Variants in DNAH11 observed in about 807,000 individuals in gnomAD.
DNAH11 encodes the protein dynein axonemal heavy chain 11.
In DNAH11, 442 loss-of-function variants were observed where a neutral mutation model predicts 526.0. The ratio of observed to expected loss-of-function variants is 0.84; its 90% CI spans 0.78 to 0.91. The LOEUF (loss-of-function observed/expected upper bound fraction) is 0.91. DNAH11 is among the 40% of genes least tolerant of loss of function. The probability of loss-of-function intolerance (pLI) is 0.00; values close to 1 mark genes in which losing one functional copy is unlikely to be tolerated. For synonymous variants in DNAH11, 2,461 were observed against 1,935.9 expected (o/e 1.27, Z -7.12); for missense variants, 6,989 against 5,448.7 (o/e 1.28, Z -8.90).
chr7:21,855,168 A>G (rs1244702357), intron 68 of DNAH11, among the ~76,000 whole-genome samples: 1 of 151,316 alleles, frequency 6.6e-6, no homozygotes, highest in East Asian at 2.0e-4. Flanking sequence ...AGTAGCTGGG[A>G]CTACAGGTGT....
At position 21,681,547 on chromosome 7, in the gene DNAH11, T is replaced by A. The variant is rs1190533579; in HGVS notation, c.5330T>A (p.Ile1777Asn). ...TTTTTAAAAAATGATTCCTTCTAGA[T>A]TTCTCAGCTGAATACACTGATTACA... is the stretch of plus-strand genomic sequence containing the variant. ...TALKDFHKKQ[I>N]SQLNTLITLL... Residue 1777 changes from isoleucine to asparagine, a missense_variant and splice_region_variant, in exon 31 of 82, where the codon ATT becomes AAT. Transcript: ENST00000409508. 1 of 1,613,576 alleles carries A rather than the reference T, an allele frequency of 6.2e-7. No individual in the cohort carries two copies. The highest frequency in any genetic ancestry group is 1.7e-5 in the Admixed American group (1 of 59,996).
chr7:21,619,933 T>C, intron 24 of DNAH11, 23 bp from the exon 25 acceptor site: 1 of 1,542,712 alleles, frequency 6.5e-7, no homozygotes, highest in Non-Finnish European at 8.7e-7. Flanking sequence ...TTTGTGCACA[T>C]TAATTATATT....
intron 28 of DNAH11, among the ~76,000 whole-genome samples, chr7:21,644,278 A>G (rs886380773): frequency 8.6e-5 from 13 of 151,080 alleles, no homozygotes; most frequent in Non-Finnish European, 4.4e-5. Flanking sequence ...GTGTGTTTTT[A>G]TGCAGAGCTT....
At chr7:21,570,323 A>G (rs1783835630) in intron 7 of DNAH11, 24 bp downstream of exon 7, 2 of 1,573,050 alleles carry the variant, frequency 1.3e-6, no homozygotes, top group Non-Finnish European at 1.7e-6. Context: ...GATTTTATTT[A>G]TTCATGTTGA....
In DNAH11 at chr7:21,543,416, G is replaced by T; in HGVS notation, c.171G>T (p.Ala57=). ...ARRARSFAQD[A]RVRFLGGRLA... ...GAGCGCGGAGTTTCGCCCAAGACGC[G>T]CGGGTGCGCTTCCTCGGCGGCCGCC... Residue 57 remains alanine (A), a synonymous_variant, in exon 1 of 82, where the codon GCG becomes GCT. Coordinates refer to ENST00000409508, the MANE Select transcript of DNAH11 (RefSeq NM_001277115.2). The T allele has an allele frequency of 6.4e-7, 1 of 1,554,830 alleles. No individual in the cohort carries two copies. Among genetic ancestry groups the T allele is most frequent in the Non-Finnish European group, 8.7e-7 (1 of 1,148,524 alleles).
intron 62 of DNAH11, among the ~76,000 whole-genome samples, chr7:21,806,672 AT>A (rs1279813599): frequency 6.6e-6 from 1 of 152,136 alleles, no homozygotes; most frequent in Non-Finnish European, 1.5e-5. Flanking sequence ...GTACTAACAA[AT>A]TGCTGATTTT....
chr7:21,735,778 C>T lies in DNAH11; in HGVS notation c.7579C>T (p.Leu2527Phe). 2 of 1,613,948 alleles carry T rather than the reference C, an allele frequency of 1.2e-6. No individual in the cohort carries two copies. The highest frequency in any genetic ancestry group is 1.7e-6 in the Non-Finnish European group (2 of 1,179,874). Residue 2527 changes from leucine (L) to phenylalanine (F), a missense_variant, in exon 46 of 82, where the codon CTC becomes TTC. By Grantham distance (22) the Leu-to-Phe change is conservative. Transcript: ENST00000409508. ...CTTTGTAGGTGACACATTGGCAAGT[C>T]TCTCTGAGGATTACATAGTATCCCG... ...TVFVGDTLASLSEDYIVSRVP... is the reference protein window; with the variant it reads ...TVFVGDTLASFSEDYIVSRVP...
intron 20 of DNAH11, among the ~76,000 whole-genome samples, chr7:21,609,211 C>A (rs115946428): frequency 0.014 from 2,071 of 151,980 alleles, 42 homozygotes; most frequent in African/African-American, 0.048. Context: ...CTTTTCCTTT[C>A]GTTTTTCTTT....
intron 79 of DNAH11, among the ~76,000 whole-genome samples, chr7:21,895,443 G>A (rs1784476133): frequency 1.3e-5 from 2 of 152,180 alleles, no homozygotes; most frequent in Admixed American, 1.3e-4. Context: ...AATATGGTAT[G>A]CAGTATGCAG....
intron 75 of DNAH11, among the ~76,000 whole-genome samples, chr7:21,883,733 T>C (rs1395262939): frequency 6.6e-6 from 1 of 152,180 alleles, no homozygotes; most frequent in African/African-American, 2.4e-5. Context: ...TAGGGATGAC[T>C]CAGTTTCTTT....
At chr7:21,687,888 C>T (rs552727773) in intron 34 of DNAH11, among the ~76,000 whole-genome samples, 25 of 152,204 alleles carry the variant, frequency 1.6e-4, no homozygotes, top group African/African-American at 5.8e-4. Flanking sequence ...GACCTGGTGT[C>T]TACAAAATAA....
intron 52 of DNAH11, among the ~76,000 whole-genome samples, chr7:21,749,402 A>G (rs1274416955): frequency 6.6e-6 from 1 of 152,200 alleles, no homozygotes; most frequent in Non-Finnish European, 1.5e-5. Context: ...ACTTGTACAC[A>G]GTGAGAAGGG....
chr7:21,846,489 T>C (rs577968575), intron 66 of DNAH11, among the ~76,000 whole-genome samples: 1 of 152,306 alleles, frequency 6.6e-6, no homozygotes, highest in East Asian at 1.9e-4. Context: ...ATGACTACAT[T>C]TTTCTTCTTT....
At chr7:21,724,840 A>T (rs1481694916) in intron 44 of DNAH11, among the ~76,000 whole-genome samples, 1 of 95,772 alleles carries the variant, frequency 1.0e-5, no homozygotes, top group African/African-American at 4.1e-5. Context: ...TCATGTGGAT[A>T]TGGCAGTGAC....
rs12670130 is a variant in DNAH11, at chr7:21,588,579, A to T, written c.1916A>T (p.Gln639Leu). 2 of 1,612,162 alleles carry T rather than the reference A, an allele frequency of 1.2e-6. No homozygotes were observed. Among genetic ancestry groups the T allele is most frequent in the Non-Finnish European group, 1.7e-6 (2 of 1,178,406 alleles). The change falls in exon 11 of 82, where the codon CAG (glutamine) becomes CTG (leucine). Residue 639 changes from glutamine (Q) to leucine (L), a missense_variant. Gln to Leu is a moderately radical substitution (Grantham distance 113). Coordinates refer to ENST00000409508, the MANE Select transcript of DNAH11 (RefSeq NM_001277115.2). Reference sequence around the variant, plus strand: ...ACCTCAGGAAATATGAAATGGGCCCAGCAGGTTCTCCAACGACTTCAAATG... The same window carrying T: ...ACCTCAGGAAATATGAAATGGGCCCTGCAGGTTCTCCAACGACTTCAAATG... ...PFTSGNMKWA[Q>L]QVLQRLQMFW...
chr7:21,703,257 G>A (rs1583609311), intron 37 of DNAH11, among the ~76,000 whole-genome samples: 3 of 152,180 alleles, frequency 2.0e-5, no homozygotes, highest in Non-Finnish European at 2.9e-5. Context: ...ATGCGTGATT[G>A]GTTGGTCAGA....
rs796092238 is a variant in DNAH11, at chr7:21,855,846, A to G, written c.11202+1391A>G. 3.9e-5 allele frequency among the ~76,000 whole-genome samples: 6 copies of G among 152,288 alleles called. No individual in the cohort carries two copies. The East Asian group carries it at 9.6e-4, about 24-fold the overall frequency. Reference sequence around the variant, plus strand: ...CATATAGATATATATGTACACATAGATATAGTTCCACCTTTATGATCATAC... The same window carrying G: ...CATATAGATATATATGTACACATAGGTATAGTTCCACCTTTATGATCATAC... On this transcript the variant is annotated intron_variant, in intron 68 of 81. Coordinates refer to ENST00000409508, the MANE Select transcript of DNAH11 (RefSeq NM_001277115.2).
intron 29 of DNAH11, among the ~76,000 whole-genome samples, chr7:21,656,449 C>A (rs1160846414): frequency 1.3e-5 from 2 of 152,136 alleles, no homozygotes; most frequent in Non-Finnish European, 2.9e-5. Context: ...TAAAGTTGAT[C>A]GAGTCTAGCA....
At chr7:21,828,416 A>G (rs1289580068) in intron 65 of DNAH11, among the ~76,000 whole-genome samples, 2 of 152,218 alleles carry the variant, frequency 1.3e-5, no homozygotes, top group African/African-American at 4.8e-5. Flanking sequence ...ATTGCCACAA[A>G]TCTGCAACAG....
Sources: allele counts gnomAD v4.1 joint callset (sites outside exome capture counted in the v4.1 genomes callset), GRCh38; gene constraint gnomAD v4.1.1; transcripts MANE v1.5; gene names NCBI Gene and HGNC (gene_info 2026-07-23, HGNC 2026-07-21).